MBD5: variants seen among roughly 807,000 people sequenced by gnomAD.
MBD5 encodes the protein methyl-CpG binding domain protein 5.
A neutral mutation model predicts 117.3 loss-of-function variants in MBD5; 13 were observed. The ratio of observed to expected loss-of-function variants is 0.11; its 90% CI spans 0.07 to 0.18. The LOEUF (loss-of-function observed/expected upper bound fraction) is 0.18, where lower values mean the gene tolerates loss of function less well. MBD5 is among the 10% of genes least tolerant of loss of function. The pLI, the probability that MBD5 is intolerant of heterozygous loss-of-function variation, is 1.00. For missense variants in MBD5, 1,879 were observed against 2,093.8 expected (o/e 0.90, Z 2.00); for synonymous variants, 727 against 766.4 (o/e 0.95, Z 0.85).
At chr2:148,034,713 G>A (rs1225945417) in intron 1 of MBD5, among the ~76,000 whole-genome samples, 1 of 152,172 alleles carries the variant, frequency 6.6e-6, no homozygotes, top group Non-Finnish European at 1.5e-5. Context: ...AATTTAACGT[G>A]AAGAATACAA....
At chr2:148,217,267 A>G (rs985832851) in intron 2 of MBD5, among the ~76,000 whole-genome samples, 1 of 152,172 alleles carries the variant, frequency 6.6e-6, no homozygotes, top group African/African-American at 2.4e-5. Flanking sequence ...CTGCTTTAGC[A>G]TCTCCACCCC....
At chr2:148,044,946 G>A (rs991196483) in intron 1 of MBD5, 5 of 152,082 alleles carry the variant, frequency 3.3e-5, no homozygotes, top group Non-Finnish European at 2.9e-5. Context: ...ACTATAAGAT[G>A]ATACTGATTT....
chr2:148,444,593 C>A (rs935854588), intron 4 of MBD5, among the ~76,000 whole-genome samples: 3 of 151,238 alleles, frequency 2.0e-5, no homozygotes, highest in Admixed American at 2.0e-4. Context: ...ATTAATCTTT[C>A]AGAAATGAGA....
At chr2:148,167,612 T>G (rs1024613372) in intron 1 of MBD5, among the ~76,000 whole-genome samples, 1 of 152,214 alleles carries the variant, frequency 6.6e-6, no homozygotes, top group South Asian at 2.1e-4. Context: ...GTGTCTTGTA[T>G]GTCCAGTACC....
At chr2:148,354,643 G>T (rs2105258344) in intron 4 of MBD5, among the ~76,000 whole-genome samples, 1 of 152,318 alleles carries the variant, frequency 6.6e-6, no homozygotes, top group East Asian at 1.9e-4. Flanking sequence ...TAATGGGATT[G>T]CTGGGTCAAA....
At chr2:148,102,639 G>A (rs1696246508) in intron 1 of MBD5, among the ~76,000 whole-genome samples, 1 of 148,720 alleles carries the variant, frequency 6.7e-6, no homozygotes, top group Admixed American at 6.8e-5. Flanking sequence ...ATTTATATGA[G>A]GAGTCAGAAT....
intron 2 of MBD5, among the ~76,000 whole-genome samples, chr2:148,232,977 T>G (rs983902194): frequency 3.9e-5 from 6 of 152,170 alleles, no homozygotes; most frequent in Admixed American, 3.9e-4. Context: ...ATCTCCGATC[T>G]GCCACTGACT....
chr2:148,254,053 A>T (rs1203540364), intron 3 of MBD5, among the ~76,000 whole-genome samples: 1 of 152,176 alleles, frequency 6.6e-6, no homozygotes, highest in Non-Finnish European at 1.5e-5. Context: ...TCCTGAATCC[A>T]TAACTCACAA....
intron 2 of MBD5, among the ~76,000 whole-genome samples, chr2:148,180,687 C>T (rs780659947): frequency 1.3e-5 from 2 of 151,964 alleles, no homozygotes; most frequent in African/African-American, 2.4e-5. Context: ...TGTGCCACCT[C>T]GCCCGGCATC....
intron 12 of MBD5, among the ~76,000 whole-genome samples, chr2:148,506,755 T>C (rs1245622327): frequency 6.6e-6 from 1 of 152,244 alleles, no homozygotes; most frequent in Non-Finnish European, 1.5e-5. Flanking sequence ...CATCTATTAC[T>C]TAATCAAGTA....
In MBD5 at chr2:148,249,876, C is replaced by A. The variant is rs1014731284; in HGVS notation, c.-680+16481C>A. 4.9e-4 allele frequency among the ~76,000 whole-genome samples: 74 copies of A among 152,132 alleles called. 1 individual carries two copies. Among genetic ancestry groups the A allele is most frequent in the South Asian group, 2.1e-4 (1 of 4,822 alleles). ...TGCCATTACTGGTGGGGTTTGACTG[C>A]AGGCCAGGGATGCTGCTTCACATCC... On this transcript the variant is annotated intron_variant, in intron 3 of 13. Transcript: ENST00000642680.
chr2:148,446,049 T>G (rs557356218), intron 4 of MBD5, among the ~76,000 whole-genome samples: 1 of 150,870 alleles, frequency 6.6e-6, no homozygotes, highest in South Asian at 2.1e-4. Context: ...GTCAGATGAG[T>G]AGGTTGCAAA....
chr2:148,061,917 GT>G (rs966469149), intron 1 of MBD5, among the ~76,000 whole-genome samples: 50 of 145,482 alleles, frequency 3.4e-4, no homozygotes, highest in African/African-American at 7.3e-4. Context: ...TTTCCCATGG[GT>G]TTTTTTTTTC....
chr2:148,295,835 C>T (rs1296839559), intron 3 of MBD5: 1 of 173,552 alleles, frequency 5.8e-6, no homozygotes, highest in East Asian at 1.8e-4. Context: ...CGAAAAACTA[C>T]CTAGTAAGAA....
intron 1 of MBD5, among the ~76,000 whole-genome samples, chr2:148,023,907 T>A (rs1693833271): frequency 6.6e-6 from 1 of 152,154 alleles, no homozygotes; most frequent in Non-Finnish European, 1.5e-5. Context: ...GAACCATTGA[T>A]ACTTTAGGAT....
At chr2:148,483,076 A>G (rs1250542099) in intron 8 of MBD5, 34 bp from the exon 9 acceptor site, 1 of 1,573,338 alleles carries the variant, frequency 6.4e-7, no homozygotes, top group South Asian at 1.1e-5. Flanking sequence ...ATGATTAATA[A>G]CTGGGTTTTG....
chr2:148,266,904 G>T (rs2106325490), intron 3 of MBD5, among the ~76,000 whole-genome samples: 1 of 152,184 alleles, frequency 6.6e-6, no homozygotes, highest in African/African-American at 2.4e-5. Flanking sequence ...AGGTTTTCAG[G>T]TGTTTTATTT....
At chr2:148,287,936 A>T (rs1701401882) in intron 3 of MBD5, among the ~76,000 whole-genome samples, 1 of 151,986 alleles carries the variant, frequency 6.6e-6, no homozygotes. Context: ...GGACGCACTC[A>T]CTCTGTAGCA....
intron 1 of MBD5, among the ~76,000 whole-genome samples, chr2:148,130,901 C>G (rs1459012626): frequency 1.3e-5 from 2 of 152,090 alleles, no homozygotes; most frequent in Non-Finnish European, 2.9e-5. Context: ...AAAAGCTCAC[C>G]AAAGGTGATT....
Sources: allele counts gnomAD v4.1 joint callset (sites outside exome capture counted in the v4.1 genomes callset), GRCh38; gene constraint gnomAD v4.1.1; transcripts MANE v1.5; gene names NCBI Gene and HGNC (gene_info 2026-07-23, HGNC 2026-07-21).